The following ATP8B4 variants were observed in gnomAD, a reference collection of about 807,000 sequenced individuals.
ATP8B4 encodes the protein ATPase phospholipid transporting 8B4 (putative), also known as probable phospholipid-transporting ATPase IM.
In ATP8B4, 133 loss-of-function variants were observed where a neutral mutation model predicts 145.6. The observed-to-expected ratio is 0.91, with a 90% CI of 0.79 to 1.05. ATP8B4 has a LOEUF of 1.05. Among genes scored for constraint, ATP8B4 ranks in the 50% least tolerant of loss-of-function variants. ATP8B4 has a pLI of 0.00. For synonymous variants in ATP8B4, 507 were observed against 492.9 expected (o/e 1.03, Z -0.38); for missense variants, 1,458 against 1,425.2 (o/e 1.02, Z -0.37).
chr15:49,949,627 G>A (rs1427758510), intron 14 of ATP8B4, among the ~76,000 whole-genome samples: 1 of 151,944 alleles, frequency 6.6e-6, no homozygotes, highest in Non-Finnish European at 1.5e-5. Context: ...AAGACAATTT[G>A]ACTTCCTCTC....
At chr15:50,000,638 T>C (rs988090414) in intron 8 of ATP8B4, among the ~76,000 whole-genome samples, 2 of 152,214 alleles carry the variant, frequency 1.3e-5, no homozygotes, top group Non-Finnish European at 2.9e-5. Flanking sequence ...AAATATTTTC[T>C]TCCAGTCTGT....
At chr15:49,966,380 C>T (rs1013721330) in intron 13 of ATP8B4, among the ~76,000 whole-genome samples, 1 of 152,228 alleles carries the variant, frequency 6.6e-6, no homozygotes, top group Non-Finnish European at 1.5e-5. Context: ...GCTTGAAATT[C>T]TCACTGCCAG....
At chr15:50,116,317 G>T (rs2057158986) in intron 1 of ATP8B4, among the ~76,000 whole-genome samples, 1 of 152,132 alleles carries the variant, frequency 6.6e-6, no homozygotes. Flanking sequence ...GGAATCTGGG[G>T]TGACTTCCAG....
chr15:49,937,510 C>G (rs1443015075), intron 14 of ATP8B4, among the ~76,000 whole-genome samples: 1 of 152,128 alleles, frequency 6.6e-6, no homozygotes, highest in Non-Finnish European at 1.5e-5. Context: ...GAGGCAAACT[C>G]CGTGTTTTCA....
At chr15:50,061,244 CT>C (rs1409932057) in intron 3 of ATP8B4, among the ~76,000 whole-genome samples, 1 of 151,612 alleles carries the variant, frequency 6.6e-6, no homozygotes, top group African/African-American at 2.4e-5. Context: ...TCAATTTAAG[CT>C]CTGGCAAATA....
intron 1 of ATP8B4, among the ~76,000 whole-genome samples, chr15:50,158,283 C>T (rs1195652123): frequency 2.6e-5 from 4 of 151,230 alleles, no homozygotes; most frequent in Non-Finnish European, 5.9e-5. Flanking sequence ...CGCCTCTTCC[C>T]GGCCGCCATC....
intron 9 of ATP8B4, among the ~76,000 whole-genome samples, chr15:49,993,306 A>C (rs759618004): frequency 2.0e-5 from 3 of 152,066 alleles, no homozygotes; most frequent in Non-Finnish European, 2.9e-5. Flanking sequence ...AGTAAGCAAG[A>C]ATACAGGAAG....
At chr15:50,122,630 A>T (rs563076706), upstream of ATP8B4, among the ~76,000 whole-genome samples, 34 of 152,172 alleles carry the variant, frequency 2.2e-4, no homozygotes, top group Non-Finnish European at 4.0e-4. Context: ...ACAGCAGAGA[A>T]GTAGCTCTGG....
At chr15:50,059,323 G>C (rs1043386445) in intron 3 of ATP8B4, among the ~76,000 whole-genome samples, 1 of 152,162 alleles carries the variant, frequency 6.6e-6, no homozygotes, top group African/African-American at 2.4e-5. Flanking sequence ...GATCCTCTAA[G>C]TCACTGAACT....
At chr15:50,141,686 T>C (rs932617386) in intron 1 of ATP8B4, among the ~76,000 whole-genome samples, 1 of 152,208 alleles carries the variant, frequency 6.6e-6, no homozygotes, top group Non-Finnish European at 1.5e-5. Context: ...TAATTTTAAA[T>C]TTATTAAAAT....
intron 6 of ATP8B4, among the ~76,000 whole-genome samples, chr15:50,036,933 G>A (rs1429280635): frequency 6.6e-6 from 1 of 152,110 alleles, no homozygotes; most frequent in Admixed American, 6.5e-5. Context: ...GTTACAAAGA[G>A]ATACTATCTC....
chr15:50,157,889 C>A (rs2044445694), intron 1 of ATP8B4, among the ~76,000 whole-genome samples: 1 of 152,148 alleles, frequency 6.6e-6, no homozygotes, highest in Non-Finnish European at 1.5e-5. Context: ...CCAGTGCCTG[C>A]GATTGCAGGC....
intron 2 of ATP8B4, among the ~76,000 whole-genome samples, chr15:50,098,224 A>C (rs17414023): frequency 0.16 from 22,629 of 144,470 alleles, 1,848 homozygotes; most frequent in Middle Eastern, 0.18. Context: ...TGGTTGTGTC[A>C]TGAAAATACA....
At chr15:49,912,031 G>C (rs1566973744) in intron 20 of ATP8B4, among the ~76,000 whole-genome samples, 1 of 151,976 alleles carries the variant, frequency 6.6e-6, no homozygotes, top group Non-Finnish European at 1.5e-5. Flanking sequence ...TACAGCAAAA[G>C]CACTGCTAAG....
At chr15:49,997,557 C>T (rs1336058735) in intron 8 of ATP8B4, among the ~76,000 whole-genome samples, 1 of 152,020 alleles carries the variant, frequency 6.6e-6, no homozygotes, top group African/African-American at 2.4e-5. Flanking sequence ...AATACATACC[C>T]TAGTCACCCA....
chr15:50,074,229 G>A, intron 2 of ATP8B4, 44 bp from the exon 3 acceptor site: 1 of 1,522,870 alleles, frequency 6.6e-7, no homozygotes, highest in Non-Finnish European at 9.1e-7. Flanking sequence ...TGTAGGCCCA[G>A]AGAAACAAAT....
At chr15:50,061,422 C>T (rs2053012114) in intron 3 of ATP8B4, among the ~76,000 whole-genome samples, 1 of 152,088 alleles carries the variant, frequency 6.6e-6, no homozygotes, top group Non-Finnish European at 1.5e-5. Context: ...GCATCATTTC[C>T]ACAGGCAATA....
chr15:50,087,192 T>C (rs2055232995), intron 2 of ATP8B4, among the ~76,000 whole-genome samples: 1 of 129,342 alleles, frequency 7.7e-6, no homozygotes, highest in African/African-American at 3.0e-5. Context: ...TAGATCTCTG[T>C]ATATTATATA....
intron 20 of ATP8B4, among the ~76,000 whole-genome samples, chr15:49,911,983 T>C (rs531804162): frequency 6.6e-6 from 1 of 152,002 alleles, no homozygotes; most frequent in South Asian, 2.1e-4. Flanking sequence ...TCCTCAAACA[T>C]ATGAAAATGG....
Sources: gnomAD v4.1 joint callset for allele counts (sites outside exome capture counted in the v4.1 genomes callset) on GRCh38, gnomAD v4.1.1 for gene constraint, MANE v1.5 for transcripts, NCBI Gene and HGNC (gene_info 2026-07-23, HGNC 2026-07-21) for gene names.